The following KHDRBS2 variants were observed in gnomAD, a reference collection of about 807,000 sequenced individuals.
KHDRBS2 encodes KH RNA binding domain containing, signal transduction associated 2.
KHDRBS2 carries 26 observed loss-of-function variants against 44.3 expected under a neutral mutation model. The ratio of observed to expected loss-of-function variants is 0.59; its 90% CI spans 0.43 to 0.81. The LOEUF is 0.81. KHDRBS2 is among the 40% of genes least tolerant of loss of function. The pLI, the probability that KHDRBS2 is intolerant of heterozygous loss-of-function variation, is 0.00. For missense variants in KHDRBS2, 476 were observed against 433.1 expected (o/e 1.10, Z -0.88); for synonymous variants, 194 against 151.1 (o/e 1.28, Z -2.08).
rs535857095 is a variant in KHDRBS2 at position 62,058,355 on chromosome 6, A to T, written c.220-10361T>A. ...TTGATACTCAAATTCCTTTTGTCCT[A>T]ACAATTGAAAATATTGGAATGTTAC... On this transcript the variant is annotated intron_variant, in intron 2 of 8. Transcript: ENST00000281156. Among the ~76,000 whole-genome samples the T allele has an allele frequency of 1.8e-3, 275 of 152,010 alleles. 10 individuals carry two copies. In the South Asian group the frequency reaches 0.052, roughly 29 times the overall value.
chr6:62,051,200 T>C (rs940764559), intron 2 of KHDRBS2, among the ~76,000 whole-genome samples: 3 of 152,066 alleles, frequency 2.0e-5, no homozygotes, highest in African/African-American at 7.2e-5. Context: ...TATACTTTTA[T>C]CAAAATTTAT....
chr6:62,037,883 G>A (rs1258555473), intron 3 of KHDRBS2, among the ~76,000 whole-genome samples: 3 of 151,996 alleles, frequency 2.0e-5, no homozygotes, highest in African/African-American at 7.2e-5. Context: ...AAGATGCTAA[G>A]TTTGCACAAA....
At chr6:62,158,849 A>G (rs1453001747) in intron 2 of KHDRBS2, among the ~76,000 whole-genome samples, 2 of 152,060 alleles carry the variant, frequency 1.3e-5, no homozygotes, top group African/African-American at 4.8e-5. Context: ...TAGCCTCTAA[A>G]TAATCAAAAA....
At chr6:62,085,628 A>G (rs56242665) in intron 2 of KHDRBS2, among the ~76,000 whole-genome samples, 4,053 of 152,230 alleles carry the variant, frequency 0.027, 193 homozygotes, top group African/African-American at 0.091. Context: ...AACCAAGTCC[A>G]TGAATCTTAG....
chr6:61,865,132 T>A (rs1334996998), intron 6 of KHDRBS2, among the ~76,000 whole-genome samples: 1 of 152,198 alleles, frequency 6.6e-6, no homozygotes, highest in Non-Finnish European at 1.5e-5. Context: ...TCAGTTATGT[T>A]CCTCTTTATA....
chr6:61,542,875 C>G, the KHDRBS2 span, among the ~76,000 whole-genome samples: 1 of 151,952 alleles, frequency 6.6e-6, no homozygotes, highest in South Asian at 2.1e-4. Flanking sequence ...CTGCTGGAAA[C>G]AGAAAAACAA....
chr6:62,157,725 C>T (rs915856561), intron 2 of KHDRBS2, among the ~76,000 whole-genome samples: 14 of 152,082 alleles, frequency 9.2e-5, no homozygotes, highest in Admixed American at 6.6e-4. Context: ...TGACACTTCA[C>T]AAATATCAAT....
At chr6:61,948,197 A>C (rs1763993031) in intron 4 of KHDRBS2, among the ~76,000 whole-genome samples, 1 of 152,052 alleles carries the variant, frequency 6.6e-6, no homozygotes. Flanking sequence ...AATTCAACCA[A>C]CTATGAAGCA....
intron 6 of KHDRBS2, among the ~76,000 whole-genome samples, chr6:61,803,775 G>C (rs767476772): frequency 3.3e-5 from 5 of 152,122 alleles, no homozygotes; most frequent in African/African-American, 4.8e-5. Context: ...TGGCAGGAGA[G>C]AGAAGTGCAG....
chr6:61,580,759 C>A, the KHDRBS2 span, among the ~76,000 whole-genome samples: 1 of 152,072 alleles, frequency 6.6e-6, no homozygotes, highest in Non-Finnish European at 1.5e-5. Context: ...CTGAAGTCAG[C>A]GAGACCAGGG....
At position 62,219,752 on chromosome 6, in the gene KHDRBS2, A is replaced by T. The variant is rs1420309271; in HGVS notation, c.92-42440T>A. Among the ~76,000 whole-genome samples, 7 of 149,628 alleles carry T rather than the reference A, an allele frequency of 4.7e-5. No individual in the cohort carries two copies. The South Asian group carries it at 1.5e-3, about 31-fold the overall frequency. ...GAAGTATCTAGGGCTGAAGTTGCACATCTTTAATTTATTTTCAAGTTTTAT... is the reference window on the plus strand; with the variant it reads ...GAAGTATCTAGGGCTGAAGTTGCACTTCTTTAATTTATTTTCAAGTTTTAT... On this transcript the variant is annotated intron_variant, in intron 1 of 8. Transcript: ENST00000281156.
At chr6:61,642,025 CT>C in the KHDRBS2 span, among the ~76,000 whole-genome samples, 1 of 152,042 alleles carries the variant, frequency 6.6e-6, no homozygotes, top group Non-Finnish European at 1.5e-5. Flanking sequence ...TGTATGCCGC[CT>C]GAGATTCCCT....
At chr6:61,799,529 A>G (rs987697611) in intron 6 of KHDRBS2, among the ~76,000 whole-genome samples, 7 of 152,046 alleles carry the variant, frequency 4.6e-5, no homozygotes, top group Non-Finnish European at 7.4e-5. Flanking sequence ...TTTCAAACAC[A>G]TAATCACAGA....
chr6:61,853,893 C>T (rs370783313), intron 6 of KHDRBS2, among the ~76,000 whole-genome samples: 7 of 152,114 alleles, frequency 4.6e-5, no homozygotes, highest in Admixed American at 1.3e-4. Context: ...GAAAAGAGAA[C>T]GAGAGATAAC....
chr6:61,995,477 A>G (rs1272046726), intron 3 of KHDRBS2, among the ~76,000 whole-genome samples: 1 of 152,200 alleles, frequency 6.6e-6, no homozygotes, highest in Non-Finnish European at 1.5e-5. Context: ...GCAAGTCAAG[A>G]AGAAGGAACA....
chr6:61,571,606 T>C, the KHDRBS2 span, among the ~76,000 whole-genome samples: 2 of 152,056 alleles, frequency 1.3e-5, no homozygotes, highest in African/African-American at 4.8e-5. Context: ...AACTGCAAAA[T>C]ACACATTCTT....
chr6:61,559,416 CA>C, the KHDRBS2 span, among the ~76,000 whole-genome samples: 7 of 150,742 alleles, frequency 4.6e-5, no homozygotes, highest in Admixed American at 1.3e-4. Flanking sequence ...TATTTAGAGT[CA>C]ATGTTATTAC....
the KHDRBS2 span, among the ~76,000 whole-genome samples, chr6:61,641,336 A>G: frequency 6.6e-6 from 1 of 152,190 alleles, no homozygotes; most frequent in African/African-American, 2.4e-5. Flanking sequence ...CTGTTCACTC[A>G]GTATTTCAGA....
chr6:61,983,573 G>A (rs1022696790), intron 3 of KHDRBS2, among the ~76,000 whole-genome samples: 1 of 152,070 alleles, frequency 6.6e-6, no homozygotes, highest in East Asian at 1.9e-4. Flanking sequence ...TGCAGGTGAA[G>A]TAGGGTGGTT....
Sources: gnomAD v4.1 joint callset for allele counts (sites outside exome capture counted in the v4.1 genomes callset) on GRCh38, gnomAD v4.1.1 for gene constraint, MANE v1.5 for transcripts, NCBI Gene and HGNC (gene_info 2026-07-23, HGNC 2026-07-21) for gene names.